ST7: variants seen among roughly 807,000 people sequenced by gnomAD.
ST7 encodes suppression of tumorigenicity 7.
Under a neutral mutation model 78.7 loss-of-function variants are expected in ST7, and 28 were observed. The ratio of observed to expected loss-of-function variants is 0.36; its 90% CI spans 0.26 to 0.49. The LOEUF (loss-of-function observed/expected upper bound fraction) is 0.49, where lower values mean the gene tolerates loss of function less well. Among genes scored for constraint, ST7 ranks in the 20% least tolerant of loss-of-function variants. ST7 has a pLI of 0.99. For missense variants in ST7, 418 were observed against 696.0 expected, an observed-to-expected ratio of 0.60 and a Z score of 4.49; for synonymous variants, 247 against 249.6, an observed-to-expected ratio of 0.99 and a Z score of 0.10.
chr7:116,953,815 C>T, intron 1 of ST7, 124 bp downstream of exon 1: 20 of 560,798 alleles, frequency 3.6e-5, no homozygotes, highest in Non-Finnish European at 4.5e-5. Flanking sequence ...GCACCGGAGG[C>T]CCGCGGCTAC....
intron 1 of ST7, among the ~76,000 whole-genome samples, chr7:117,059,268 A>C (rs1798224901): frequency 6.6e-6 from 1 of 152,200 alleles, no homozygotes. Flanking sequence ...CTGGTATTAC[A>C]CATTGCATGC....
intron 1 of ST7, among the ~76,000 whole-genome samples, chr7:117,099,203 T>C (rs978555400): frequency 6.6e-6 from 1 of 152,096 alleles, no homozygotes; most frequent in Admixed American, 6.5e-5. Context: ...AAAAACCTTT[T>C]ACTCATCATA....
Position 117,138,447 on chromosome 7 carries a change from A to C in ST7, c.878A>C (p.Asn293Thr). Residue 293 changes from asparagine (N) to threonine (T), a missense_variant, in exon 9 of 16, where the codon AAT (asparagine) becomes ACT (threonine). By Grantham distance (65) the Asn-to-Thr change is moderately conservative. Coordinates refer to ENST00000323984, the MANE Select transcript of ST7 (RefSeq NM_001369598.1). The part of the protein sequence containing the change: ...QYEAQHRRDT[N>T]VLVYIKRRLA... Reference sequence around the variant, plus strand: ...TCTCCCTCTTCAGGACGAGACACCAATGTCTTGGTGTACATCAAAAGAAGG... The same window carrying C: ...TCTCCCTCTTCAGGACGAGACACCACTGTCTTGGTGTACATCAAAAGAAGG... 6.2e-7 allele frequency: 1 copy of C among 1,606,098 alleles called. No individual in the cohort carries two copies. The highest frequency in any genetic ancestry group is 1.1e-5 in the South Asian group (1 of 89,814).
chr7:117,124,379 G>A (rs1182396979), intron 3 of ST7, among the ~76,000 whole-genome samples: 5 of 152,064 alleles, frequency 3.3e-5, no homozygotes. Flanking sequence ...ATAGCAAGGT[G>A]AAGTAATCTG....
intron 1 of ST7, among the ~76,000 whole-genome samples, chr7:117,075,176 A>T (rs1263118336): frequency 6.6e-6 from 1 of 152,236 alleles, no homozygotes; most frequent in African/African-American, 2.4e-5. Flanking sequence ...TTGCAAATCT[A>T]TTAAAATATA....
chr7:117,220,939 G>A (rs746266242), intron 14 of ST7, among the ~76,000 whole-genome samples: 20 of 152,150 alleles, frequency 1.3e-4, no homozygotes, highest in Non-Finnish European at 2.5e-4. Context: ...CTGAATGGTA[G>A]AGGAAAGGCC....
intron 1 of ST7, among the ~76,000 whole-genome samples, chr7:117,028,089 C>T (rs1796299418): frequency 6.6e-6 from 1 of 152,072 alleles, no homozygotes; most frequent in Admixed American, 6.6e-5. Flanking sequence ...ATGACCCAAA[C>T]AAAATAATAG....
intron 1 of ST7, among the ~76,000 whole-genome samples, chr7:117,016,745 A>G (rs748968676): frequency 1.3e-5 from 2 of 152,214 alleles, no homozygotes; most frequent in Admixed American, 6.5e-5. Flanking sequence ...ATGTGGTGAG[A>G]AGCCCTTTTG....
At chr7:117,214,954 G>GTGTGTGTA (rs1384085056) in intron 13 of ST7, among the ~76,000 whole-genome samples, 2 of 117,602 alleles carry the variant, frequency 1.7e-5, no homozygotes, top group African/African-American at 7.3e-5. Context: ...GTGTGTGTGT[G>GTGTGTGTA]TACAGTGTAT....
At chr7:117,072,913 G>C (rs1799071623) in intron 1 of ST7, 1 of 152,260 alleles carries the variant, frequency 6.6e-6, no homozygotes, top group Non-Finnish European at 1.5e-5. Flanking sequence ...TGGCACACAA[G>C]CATGAGGGGC....
chr7:117,032,578 T>C (rs1273199418), intron 1 of ST7, among the ~76,000 whole-genome samples: 8 of 152,154 alleles, frequency 5.3e-5, no homozygotes, highest in Non-Finnish European at 1.0e-4. Context: ...AAAAATTAAA[T>C]TGAATTTAAA....
intron 3 of ST7, among the ~76,000 whole-genome samples, chr7:117,126,187 G>T (rs1339671259): frequency 6.6e-6 from 1 of 151,826 alleles, no homozygotes; most frequent in Admixed American, 6.6e-5. Flanking sequence ...TAACTTTTTA[G>T]TATAAGAAAC....
In ST7 at chr7:117,178,038, G is replaced by A. The variant is rs1461481534; in HGVS notation, c.1078+7062G>A. 2.6e-5 allele frequency among the ~76,000 whole-genome samples: 4 copies of A among 152,276 alleles called. No homozygotes were observed. In the East Asian group the frequency reaches 7.7e-4, roughly 29 times the overall value. ...GGGTCATGCTTCCAAGAGCATCTGT[G>A]AAGGCCAAATATGCTGGATTATAGG... is the stretch of plus-strand genomic sequence containing the variant. On this transcript the variant is annotated intron_variant, in intron 10 of 15. Transcript: ENST00000323984.
chr7:117,133,379 A>G (rs1240858693), intron 6 of ST7, among the ~76,000 whole-genome samples: 2 of 151,782 alleles, frequency 1.3e-5, no homozygotes, highest in African/African-American at 4.8e-5. Flanking sequence ...GAATGGATCA[A>G]TTATTTGCTA....
At chr7:117,078,069 A>T (rs1170698303) in intron 1 of ST7, among the ~76,000 whole-genome samples, 2 of 152,150 alleles carry the variant, frequency 1.3e-5, no homozygotes, top group African/African-American at 4.8e-5. Context: ...CTCAATCTAT[A>T]GATAAGAAAA....
intron 1 of ST7, chr7:117,020,530 C>T (rs1278503724): frequency 2.9e-5 from 44 of 1,526,362 alleles, no homozygotes; most frequent in Non-Finnish European, 9.7e-6. Flanking sequence ...CTCACATGTA[C>T]ACTCTCCTCG....
At chr7:117,168,697 A>C (rs1807753676) in intron 9 of ST7, among the ~76,000 whole-genome samples, 2 of 152,190 alleles carry the variant, frequency 1.3e-5, no homozygotes, top group Admixed American at 1.3e-4. Context: ...TAATCAGTTT[A>C]ATAGGGGTTT....
intron 10 of ST7, among the ~76,000 whole-genome samples, chr7:117,179,281 G>T (rs561107905): frequency 6.6e-6 from 1 of 152,312 alleles, no homozygotes; most frequent in Admixed American, 6.5e-5. Context: ...TGAGATGTTA[G>T]TACATTAATT....
intron 1 of ST7, among the ~76,000 whole-genome samples, chr7:117,093,715 A>C (rs1800811249): frequency 6.6e-6 from 1 of 152,108 alleles, no homozygotes; most frequent in South Asian, 2.1e-4. Flanking sequence ...AAACAACAAC[A>C]ACAACAAAAA....
Sources: allele counts gnomAD v4.1 joint callset (sites outside exome capture counted in the v4.1 genomes callset), GRCh38; gene constraint gnomAD v4.1.1; transcripts MANE v1.5; gene names NCBI Gene and HGNC (gene_info 2026-07-23, HGNC 2026-07-21).